DISC1: variants seen among roughly 807,000 people sequenced by gnomAD.
DISC1 encodes the protein DISC1 scaffold protein.
Under a neutral mutation model 84.5 loss-of-function variants are expected in DISC1, and 57 were observed. The ratio of observed to expected loss-of-function variants is 0.67; its 90% CI spans 0.55 to 0.84. DISC1 has a LOEUF of 0.84. Ranked by LOEUF, DISC1 falls within the 40% of genes least tolerant of loss-of-function variation. The pLI, the probability that DISC1 is intolerant of heterozygous loss-of-function variation, is 0.00. For missense variants in DISC1, 1,000 were observed against 1,057.8 expected, an observed-to-expected ratio of 0.95 and a Z score of 0.76; for synonymous variants, 411 against 415.2, an observed-to-expected ratio of 0.99 and a Z score of 0.12.
In DISC1 at chr1:232,031,462, G is replaced by A. The variant is rs1311070753; in HGVS notation, c.2425+4910G>A. On this transcript the variant is annotated intron_variant, in intron 12 of 12. Coordinates refer to ENST00000439617, the MANE Select transcript of DISC1 (RefSeq NM_018662.3). This position sits in a 1 kb window ranked among gnomAD's most constrained non-coding sequence, Gnocchi z 4.6. ...GGAAAAGGGAAAGGAGAAGGGAAGG[G>A]AGAAGGGAAGGGAGCAAAAGGGAAG... 6.7e-6 allele frequency among the ~76,000 whole-genome samples: 1 copy of A among 150,130 alleles called. No individual in the cohort carries two copies. Among genetic ancestry groups the A allele is most frequent in the Non-Finnish European group, 1.5e-5 (1 of 67,470 alleles).
At chr1:231,873,417 T>C (rs1574354700) in intron 9 of DISC1, among the ~76,000 whole-genome samples, 1 of 152,250 alleles carries the variant, frequency 6.6e-6, no homozygotes, top group Admixed American at 6.5e-5. Flanking sequence ...CTTTCTATGA[T>C]GTCCTTTGAC....
At chr1:231,785,286 TTTATTTATTTA>T (rs2077763691) in intron 6 of DISC1, among the ~76,000 whole-genome samples, 2 of 150,330 alleles carry the variant, frequency 1.3e-5, no homozygotes, top group Non-Finnish European at 3.0e-5. Context: ...TATTTATTTA[TTTATTTATTTA>T]GAGACAAAGT....
rs114772227 is a variant in DISC1 at position 231,802,890 on chromosome 1, A to T, written c.1792+2680A>T. Among the ~76,000 whole-genome samples the T allele has an allele frequency of 7.9e-5, 12 of 151,826 alleles. No homozygotes were observed. In the East Asian group the frequency reaches 2.3e-3, roughly 29 times the overall value. On this transcript the variant is annotated intron_variant, in intron 8 of 12. Transcript: ENST00000439617. ...TTTTTCTTACTTTTTTCTATCCTTCACGGAGGCCCATGAGGCTTCTGCCTA... is the reference window on the plus strand; with the variant it reads ...TTTTTCTTACTTTTTTCTATCCTTCTCGGAGGCCCATGAGGCTTCTGCCTA...
At chr1:231,736,584 A>G (rs1366697125) in intron 3 of DISC1, among the ~76,000 whole-genome samples, 1 of 152,218 alleles carries the variant, frequency 6.6e-6, no homozygotes, top group Admixed American at 6.5e-5. Flanking sequence ...TAAACTCAAC[A>G]AACTCCAGTG....
At chr1:231,819,283 G>A (rs1192907841) in intron 9 of DISC1, 1 of 481,432 alleles carries the variant, frequency 2.1e-6, no homozygotes, top group East Asian at 1.5e-4. Flanking sequence ...AGAAAAAACG[G>A]GGCTGATAGG....
At chr1:231,972,670 C>T (rs980844238) in intron 10 of DISC1, among the ~76,000 whole-genome samples, 5 of 152,230 alleles carry the variant, frequency 3.3e-5, no homozygotes, top group African/African-American at 1.2e-4. Flanking sequence ...AGATTCCATG[C>T]ATAAATCTCC....
In DISC1 at chr1:231,694,818, T is replaced by A. The variant is rs1020655478; in HGVS notation, c.1047+13T>A. The A allele has an allele frequency of 1.2e-6, 2 of 1,612,340 alleles. No individual in the cohort carries two copies. Among genetic ancestry groups the A allele is most frequent in the Non-Finnish European group, 1.7e-6 (2 of 1,179,528 alleles). On this transcript the variant is annotated intron_variant, in intron 2 of 12. Transcript: ENST00000439617. ...GAGGCAGATGGAGGTCAGTGTCTCT[T>A]CCACCTCTGTGGCCCGAGATTGTCG...
At chr1:231,911,135 C>T (rs141159856) in intron 9 of DISC1, among the ~76,000 whole-genome samples, 2,776 of 152,238 alleles carry the variant, frequency 0.018, 44 homozygotes, top group Middle Eastern at 0.024. Context: ...ATCCAATTTG[C>T]CAGTCTGTGT....
chr1:231,708,351 T>A (rs2067354647), intron 3 of DISC1, among the ~76,000 whole-genome samples: 1 of 152,218 alleles, frequency 6.6e-6, no homozygotes, highest in East Asian at 1.9e-4. Context: ...TCCATGGACA[T>A]CAGAAATTTG....
chr1:231,861,864 G>T (rs894745678), intron 9 of DISC1, among the ~76,000 whole-genome samples: 1 of 152,078 alleles, frequency 6.6e-6, no homozygotes, highest in African/African-American at 2.4e-5. Context: ...TCATCTGTAG[G>T]CCTAGGAAGC....
intron 1 of DISC1, among the ~76,000 whole-genome samples, chr1:231,690,260 C>T (rs960325509): frequency 3.3e-5 from 5 of 152,170 alleles, no homozygotes; most frequent in Admixed American, 2.6e-4. Context: ...AAGGCATCAG[C>T]GCTTCCCTCT....
At chr1:231,831,324 G>C (rs2125819331) in intron 9 of DISC1, among the ~76,000 whole-genome samples, 1 of 152,350 alleles carries the variant, frequency 6.6e-6, no homozygotes, top group South Asian at 2.1e-4. Context: ...CTAAGAGACA[G>C]GGTAGCAGCT....
At chr1:231,731,792 T>C (rs1243709473) in intron 3 of DISC1, among the ~76,000 whole-genome samples, 1 of 152,122 alleles carries the variant, frequency 6.6e-6, no homozygotes, top group Non-Finnish European at 1.5e-5. Flanking sequence ...TTATAAAGCG[T>C]CTTTAAGTGG....
intron 1 of DISC1, among the ~76,000 whole-genome samples, chr1:231,691,561 G>T (rs553896958): frequency 1.3e-5 from 2 of 152,280 alleles, no homozygotes; most frequent in African/African-American, 2.4e-5. Context: ...ACTTCAGAAG[G>T]GTTATCTGGA....
chr1:231,699,171 C>A (rs940748658), intron 2 of DISC1, among the ~76,000 whole-genome samples: 3 of 152,092 alleles, frequency 2.0e-5, no homozygotes, highest in African/African-American at 7.2e-5. Flanking sequence ...AATGCTTCAG[C>A]GTAGAGGTAA....
rs1670584452 is a variant in DISC1, at chr1:232,037,261, T to A, written c.*430T>A. ...AAAAAGGAAACCAAGCATAAGACTC[T>A]GTCATCATACCTGTTACACGTTCCT... On this transcript the variant is annotated 3_prime_UTR_variant, in exon 13 of 13. Transcript: ENST00000439617. The A allele has an allele frequency of 6.5e-6, 1 of 152,796 alleles. No homozygotes were observed. Among genetic ancestry groups the A allele is most frequent in the South Asian group, 2.1e-4 (1 of 4,846 alleles). The allele number at this position is 152,796 out of a possible 1,614,324, so 9.5% of individuals were successfully genotyped here. A position where few individuals can be genotyped will look rare whatever the true frequency, so the allele number is the denominator to read the frequency against.
At chr1:231,862,582 A>G (rs2084751276) in intron 9 of DISC1, among the ~76,000 whole-genome samples, 1 of 152,230 alleles carries the variant, frequency 6.6e-6, no homozygotes, top group African/African-American at 2.4e-5. Flanking sequence ...GGTGGTATCC[A>G]GACAACCCTT....
chr1:231,786,309 A>G (rs1458698025), intron 6 of DISC1, among the ~76,000 whole-genome samples: 5 of 152,266 alleles, frequency 3.3e-5, no homozygotes, highest in Admixed American at 6.5e-5. Context: ...ATGGAGCCCC[A>G]GATGAAAGTG....
chr1:231,896,320 AAT>A (rs1236733795), intron 9 of DISC1, among the ~76,000 whole-genome samples: 1 of 152,174 alleles, frequency 6.6e-6, no homozygotes, highest in Non-Finnish European at 1.5e-5. Context: ...GTATTTAAAT[AAT>A]CAGCATAAAA....
Sources: allele counts gnomAD v4.1 joint callset (sites outside exome capture counted in the v4.1 genomes callset), GRCh38; gene constraint gnomAD v4.1.1; non-coding constraint Gnocchi (gnomAD v3.1); transcripts MANE v1.5; gene names NCBI Gene and HGNC (gene_info 2026-07-23, HGNC 2026-07-21).